HYDIN: variants seen among roughly 807,000 people sequenced by gnomAD.
The protein encoded by HYDIN is HYDIN axonemal central pair apparatus protein.
In HYDIN, 132 loss-of-function variants were observed where a neutral mutation model predicts 403.9. That is an observed-to-expected ratio of 0.33 (90% CI 0.28 to 0.38). The LOEUF (loss-of-function observed/expected upper bound fraction) is 0.38, where lower values mean the gene tolerates loss of function less well. Ranked by LOEUF, HYDIN falls within the 10% of genes least tolerant of loss-of-function variation. The pLI is 1.00. For synonymous variants in HYDIN, 1,202 were observed against 1,891.7 expected (o/e 0.64, Z 9.46); for missense variants, 2,827 against 5,009.5 (o/e 0.56, Z 13.15).
Position 70,833,919 on chromosome 16 carries a change from G to A in HYDIN, c.13647C>T (p.Ile4549=). 6.2e-7 allele frequency: 1 copy of A among 1,613,654 alleles called. No individual in the cohort carries two copies. Among genetic ancestry groups the A allele is most frequent in the Non-Finnish European group, 8.5e-7 (1 of 1,179,854 alleles). ...VVYQTQATRR[I]LMMNTGDVGA... is the part of the protein sequence containing the mutation. ...CCACATCGCCTGTGTTCATCATGAG[G>A]ATGCGACGTGTGGCTTGCGTCTGAT... Residue 4549 remains isoleucine (I), a synonymous_variant, in exon 79 of 86, where the codon ATC becomes ATT. Coordinates refer to ENST00000393567, the MANE Select transcript of HYDIN (RefSeq NM_001270974.2).
intron 3 of HYDIN, 38 bp downstream of exon 3, chr16:71,184,827 G>T: frequency 6.6e-7 from 1 of 1,525,834 alleles, no homozygotes; most frequent in Non-Finnish European, 8.9e-7. Context: ...GTTGTGCCAG[G>T]GCCCACTTTA....
intron 41 of HYDIN, among the ~76,000 whole-genome samples, chr16:70,948,690 A>G (rs1328876986): frequency 2.0e-5 from 3 of 151,758 alleles, no homozygotes; most frequent in Non-Finnish European, 3.0e-5. Flanking sequence ...TTATGCAGCC[A>G]AAAAACACAT....
At chr16:71,167,542 G>A (rs1356416320) in intron 5 of HYDIN, among the ~76,000 whole-genome samples, 2 of 150,832 alleles carry the variant, frequency 1.3e-5, no homozygotes, top group Non-Finnish European at 3.0e-5. Flanking sequence ...AAAGGCAGCT[G>A]TAAATAGTTT....
intron 1 of HYDIN, among the ~76,000 whole-genome samples, chr16:71,224,345 T>A (rs1268855618): frequency 6.6e-6 from 1 of 152,136 alleles, no homozygotes; most frequent in Non-Finnish European, 1.5e-5. Context: ...TAGTGTACAC[T>A]GCTCAGGTGA....
At position 71,162,747 on chromosome 16, in the gene HYDIN, T is replaced by TTCCACA. The variant is rs2086054054; in HGVS notation, c.517-18_517-17insTGTGGA. The TTCCACA allele has an allele frequency of 1.7e-6, 1 of 601,760 alleles. No homozygotes were observed. The highest frequency in any genetic ancestry group is 3.0e-6 in the Non-Finnish European group (1 of 334,944). The allele number at this position is 601,760 out of a possible 1,614,324, so 37.3% of individuals were successfully genotyped here. A position where few individuals can be genotyped will look rare whatever the true frequency, so the allele number is the denominator to read the frequency against. ...GGCGTAATCCTACAAGGGAAGGGTATGATCATTATTTGTGGAAAAAGCAAC... is the reference window on the plus strand; with the variant it reads ...GGCGTAATCCTACAAGGGAAGGGTATTCCACAGATCATTATTTGTGGAAAAAGCAAC... On this transcript the variant is annotated splice_polypyrimidine_tract_variant and intron_variant, in intron 5 of 85. Transcript: ENST00000393567.
rs372450128 is a variant in HYDIN at position 70,833,938 on chromosome 16, G to A, written c.13628C>T (p.Thr4543Met). 8.7e-6 allele frequency: 14 copies of A among 1,613,446 alleles called. No homozygotes were observed. The highest frequency in any genetic ancestry group is 4.0e-5 in the African/African-American group (3 of 74,902). Residue 4543 changes from threonine to methionine, a missense_variant, in exon 79 of 86, where the codon ACG (threonine) becomes ATG (methionine). By Grantham distance (81) the Thr-to-Met change is moderately conservative (BLOSUM62 -1). Transcript: ENST00000393567. ...HIPFGPVVYQ[T>M]QATRRILMMN... is the part of the protein sequence containing the mutation. ...CATGAGGATGCGACGTGTGGCTTGCGTCTGATACACCACGGGTCCAAAGGG... is the reference window on the plus strand; with the variant it reads ...CATGAGGATGCGACGTGTGGCTTGCATCTGATACACCACGGGTCCAAAGGG...
At chr16:71,012,428 G>A (rs905041522) in intron 23 of HYDIN, among the ~76,000 whole-genome samples, 5 of 152,196 alleles carry the variant, frequency 3.3e-5, no homozygotes, top group African/African-American at 9.7e-5. Context: ...TCCTCTTACC[G>A]AGGACTTATT....
At chr16:71,146,032 G>C (rs1406618887) in intron 7 of HYDIN, among the ~76,000 whole-genome samples, 1 of 152,128 alleles carries the variant, frequency 6.6e-6, no homozygotes, top group Admixed American at 6.5e-5. Flanking sequence ...AACATATGTA[G>C]AGTTGTTTAT....
At chr16:70,884,965 G>A (rs2041043635) in intron 58 of HYDIN, among the ~76,000 whole-genome samples, 1 of 152,250 alleles carries the variant, frequency 6.6e-6, no homozygotes, top group African/African-American at 2.4e-5. Context: ...CTTTTGGTGT[G>A]CTTCAGCTGC....
At chr16:71,019,676 A>C (rs1386877747) in intron 22 of HYDIN, among the ~76,000 whole-genome samples, 1 of 152,264 alleles carries the variant, frequency 6.6e-6, no homozygotes, top group African/African-American at 2.4e-5. Flanking sequence ...AAAAATTTAC[A>C]TTATATATAA....
At position 70,818,359 on chromosome 16, in the gene HYDIN, C is replaced by T. The variant is rs765577593; in HGVS notation, c.14641G>A (p.Val4881Met). Residue 4881 changes from valine to methionine, a missense_variant, in exon 84 of 86, where the codon GTG (valine) becomes ATG (methionine). Coordinates refer to ENST00000393567, the MANE Select transcript of HYDIN (RefSeq NM_001270974.2). The stretch of plus-strand genomic sequence containing the variant: ...GGCCGTACCTCGGAGTTGGCAGGCA[C>T]CACAAACTGGGAGGGCAGGGCGATG... ...PDIALPSQFV[V>M]PANSEGTFSF... 5 of 1,613,386 alleles carry T rather than the reference C, an allele frequency of 3.1e-6. No homozygotes were observed.
At chr16:70,909,853 G>A (rs1181475720) in intron 47 of HYDIN, among the ~76,000 whole-genome samples, 8 of 151,252 alleles carry the variant, frequency 5.3e-5, no homozygotes, top group African/African-American at 1.9e-4. Flanking sequence ...CTGCCACCAC[G>A]CCTGACTAAT....
At chr16:71,067,058 A>G (rs1444364879) in intron 15 of HYDIN, 14 of 632,156 alleles carry the variant, frequency 2.2e-5, no homozygotes, top group Non-Finnish European at 4.0e-5. Context: ...CACTATTCTT[A>G]GGATTCTCTG....
rs1268527984 is a variant in HYDIN, at chr16:70,898,889, GT to G, written c.9048+2114del. Among the ~76,000 whole-genome samples, 6 of 151,498 alleles carry G rather than the reference GT, an allele frequency of 4.0e-5. No individual in the cohort carries two copies. In the East Asian group the frequency reaches 9.8e-4, roughly 25 times the overall value. On this transcript the variant is annotated intron_variant, in intron 53 of 85. Coordinates refer to ENST00000393567, the MANE Select transcript of HYDIN (RefSeq NM_001270974.2). ...CTCCCGAGTAGCTGGGGTTACAGGC[GT>G]GCGCCACCACATCCGGCTAATTTTT...
At chr16:71,027,381 C>A (rs1048635491) in intron 20 of HYDIN, 1 of 1,432,462 alleles carries the variant, frequency 7.0e-7, no homozygotes, top group African/African-American at 1.4e-5. Flanking sequence ...TGAGAACCTC[C>A]TTTAAGATTG....
chr16:71,074,597 T>C (rs1448969265), intron 13 of HYDIN, among the ~76,000 whole-genome samples: 2 of 140,158 alleles, frequency 1.4e-5, no homozygotes, highest in African/African-American at 5.3e-5. Context: ...GGCAGGAGAA[T>C]TGCTTGCTCC....
intron 8 of HYDIN, chr16:71,133,093 A>C (rs1306434897): frequency 2.7e-6 from 1 of 374,946 alleles, no homozygotes; most frequent in Non-Finnish European, 5.2e-6. Flanking sequence ...GTGTGTCTCC[A>C]GTGCAGCAGG....
At position 70,872,073 on chromosome 16, in the gene HYDIN, T is replaced by C. The variant is rs749850990; in HGVS notation, c.11055A>G (p.Glu3685=). 1.0e-5 allele frequency: 16 copies of C among 1,565,066 alleles called. No individual in the cohort carries two copies. Among genetic ancestry groups the C allele is most frequent in the African/African-American group, 1.4e-5 (1 of 72,334 alleles). ...NHSQVNLIRF[E]WPVSATIAFS... is the part of the protein sequence containing the mutation. ...AAGCAATTGTAGCTGAAACAGGCCA[T>C]TCAAACCGTATCAAGTTCACTTGGC... The change falls in exon 65 of 86, where the codon GAA becomes GAG. Residue 3685 remains glutamate (E), a synonymous_variant. Coordinates refer to ENST00000393567, the MANE Select transcript of HYDIN (RefSeq NM_001270974.2).
At chr16:71,170,830 T>C (rs185100452) in intron 5 of HYDIN, among the ~76,000 whole-genome samples, 1 of 152,242 alleles carries the variant, frequency 6.6e-6, no homozygotes, top group Non-Finnish European at 1.5e-5. Flanking sequence ...AATTACATGC[T>C]GTATGGGACT....
Sources: gnomAD v4.1 joint callset for allele counts (sites outside exome capture counted in the v4.1 genomes callset) on GRCh38, gnomAD v4.1.1 for gene constraint, MANE v1.5 for transcripts, NCBI Gene and HGNC (gene_info 2026-07-23, HGNC 2026-07-21) for gene names.